The following CHN1 variants were observed in gnomAD, a reference collection of about 807,000 sequenced individuals.
CHN1 encodes the protein chimerin 1.
A neutral mutation model predicts 59.5 loss-of-function variants in CHN1; 37 were observed. The ratio of observed to expected loss-of-function variants is 0.62; its 90% CI spans 0.48 to 0.82. CHN1 has a LOEUF of 0.82. CHN1 is among the 40% of genes least tolerant of loss of function. The pLI, the probability that CHN1 is intolerant of heterozygous loss-of-function variation, is 0.00. For synonymous variants in CHN1, 206 were observed against 200.4 expected (o/e 1.03, Z -0.24); for missense variants, 469 against 571.0 (o/e 0.82, Z 1.82).
At chr2:174,863,749 G>A (rs1011784191) in intron 6 of CHN1, among the ~76,000 whole-genome samples, 13 of 152,218 alleles carry the variant, frequency 8.5e-5, no homozygotes, top group African/African-American at 2.6e-4. Flanking sequence ...TCACACATGT[G>A]ATATAGATGT....
chr2:174,848,590 T>C (rs1181720311), intron 6 of CHN1, among the ~76,000 whole-genome samples: 5 of 152,198 alleles, frequency 3.3e-5, no homozygotes, highest in Non-Finnish European at 5.9e-5. Context: ...GTAAATACTT[T>C]AATCTCAGAT....
intron 7 of CHN1, among the ~76,000 whole-genome samples, chr2:174,833,313 CAAT>C (rs980144053): frequency 6.6e-6 from 1 of 152,096 alleles, no homozygotes; most frequent in Non-Finnish European, 1.5e-5. Flanking sequence ...TCTTCATTCC[CAAT>C]AATATTCCTT....
intron 1 of CHN1, among the ~76,000 whole-genome samples, chr2:174,963,308 T>G (rs185976446): frequency 5.1e-4 from 77 of 152,272 alleles, no homozygotes; most frequent in Non-Finnish European, 1.0e-3. Flanking sequence ...CTGGCAAGAA[T>G]AGGTCTATAG....
chr2:174,867,025 C>A (rs1687237624), intron 6 of CHN1, among the ~76,000 whole-genome samples: 1 of 150,820 alleles, frequency 6.6e-6, no homozygotes, highest in African/African-American at 2.4e-5. Flanking sequence ...TCTAAACTTA[C>A]AAAGACTGTT....
At chr2:174,868,305 C>G (rs1190078532) in intron 6 of CHN1, among the ~76,000 whole-genome samples, 1 of 152,114 alleles carries the variant, frequency 6.6e-6, no homozygotes, top group African/African-American at 2.4e-5. Flanking sequence ...CAATTTTCTA[C>G]TACTTTGGTA....
chr2:174,930,851 GC>G (rs1689323416), intron 3 of CHN1, among the ~76,000 whole-genome samples: 1 of 151,450 alleles, frequency 6.6e-6, no homozygotes, highest in South Asian at 2.1e-4. Flanking sequence ...CGCAAGCTCT[GC>G]CTCTTGGGTT....
At chr2:174,849,630 T>C (rs1325305864) in intron 6 of CHN1, among the ~76,000 whole-genome samples, 4 of 152,320 alleles carry the variant, frequency 2.6e-5, no homozygotes, top group Admixed American at 6.5e-5. Context: ...ATCTAGTAGA[T>C]AGCCATCTAC....
chr2:174,942,628 C>T (rs1412137741), intron 3 of CHN1, among the ~76,000 whole-genome samples: 1 of 152,012 alleles, frequency 6.6e-6, no homozygotes, highest in Non-Finnish European at 1.5e-5. Context: ...TGTCTCAACA[C>T]AAAGATTTGA....
At chr2:174,971,652 T>C (rs1490236354) in intron 1 of CHN1, among the ~76,000 whole-genome samples, 2 of 152,158 alleles carry the variant, frequency 1.3e-5, no homozygotes, top group Non-Finnish European at 2.9e-5. Flanking sequence ...AAGGTATTAT[T>C]ACTAGTACCA....
At chr2:174,987,466 G>A (rs1032279633) in intron 1 of CHN1, among the ~76,000 whole-genome samples, 1 of 150,678 alleles carries the variant, frequency 6.6e-6, no homozygotes, top group Non-Finnish European at 1.5e-5. Context: ...GGAGTACAGT[G>A]GCGCAATCTC....
rs1339868588 is a variant in CHN1 at position 174,990,254 on chromosome 2, TGTGTGTGTGAGAGAGA to T, written c.19+14624_19+14639del. Among the ~76,000 whole-genome samples the T allele has an allele frequency of 7.3e-5, 7 of 96,246 alleles. No individual in the cohort carries two copies. In the South Asian group the frequency reaches 1.1e-3, roughly 15 times the overall value. 63.1% of individuals were successfully genotyped at this position (96,246 alleles called of 152,430 possible). On this transcript the variant is annotated intron_variant, in intron 1 of 12. Transcript: ENST00000409900. Reference sequence around the variant, plus strand: ...GTGTCTGTGTGTGTGTGTGTGTGTGTGTGTGTGTGAGAGAGAGAGAGAGAGAGAGAGAGCGCGAGCG... The same window carrying T: ...GTGTCTGTGTGTGTGTGTGTGTGTGTGAGAGAGAGAGAGAGAGCGCGAGCG...
chr2:174,827,605 G>GGGAA (rs930220257), intron 7 of CHN1, among the ~76,000 whole-genome samples: 17 of 152,322 alleles, frequency 1.1e-4, no homozygotes, highest in African/African-American at 3.8e-4. Flanking sequence ...GATTGTTAAG[G>GGGAA]GGAGTGACAC....
At chr2:174,847,408 G>T in intron 6 of CHN1, 2 of 1,207,916 alleles carry the variant, frequency 1.7e-6, no homozygotes, top group Middle Eastern at 3.4e-4. Context: ...AGAAAGAGTC[G>T]ATGCTAACAT....
rs777477251 is a variant in CHN1 at position 174,951,114 on chromosome 2, A to T, written c.58+1050T>A. 1.0e-3 allele frequency among the ~76,000 whole-genome samples: 154 copies of T among 152,320 alleles called. 5 individuals carry two copies. The highest frequency in any genetic ancestry group is 2.2e-4 in the Non-Finnish European group (15 of 68,036). On this transcript the variant is annotated intron_variant, in intron 2 of 12. Transcript: ENST00000409900. ...TTTAAATAGGCTTCCAGCCAATGAG[A>T]TTATGAGACAAAATCTTTAGGAGGT...
At chr2:174,846,742 G>GAAAACATCTCACTCCTTA (rs1342583226) in intron 7 of CHN1, 138 bp downstream of exon 7, 1 of 949,644 alleles carries the variant, frequency 1.1e-6, no homozygotes, top group Admixed American at 3.0e-5. Flanking sequence ...AAATCAGGCT[G>GAAAACATCTCACTCCTTA]AAAACATCTC....
intron 3 of CHN1, among the ~76,000 whole-genome samples, chr2:174,926,751 C>T (rs886803188): frequency 4.6e-5 from 7 of 151,896 alleles, no homozygotes; most frequent in Admixed American, 1.3e-4. Context: ...TGTCTCTTAT[C>T]TACCCACACC....
At chr2:174,959,739 T>C (rs1205019735) in intron 1 of CHN1, among the ~76,000 whole-genome samples, 2 of 152,184 alleles carry the variant, frequency 1.3e-5, no homozygotes, top group East Asian at 1.9e-4. Flanking sequence ...GTTTATCAGG[T>C]AGGACAGATT....
rs1264078054 is a variant in CHN1, at chr2:174,915,429, C to T, written c.147-258G>A. On this transcript the variant is annotated intron_variant, in intron 4 of 12. Transcript: ENST00000409900. Reference sequence around the variant, plus strand: ...CAACCATGGAATCAAAATTCACATCCATCTAAGGGAAGATCAACCACCTCT... The same window carrying T: ...CAACCATGGAATCAAAATTCACATCTATCTAAGGGAAGATCAACCACCTCT... 1.1e-5 allele frequency: 4 copies of T among 357,112 alleles called. No homozygotes were observed. In the East Asian group the frequency reaches 1.7e-4, roughly 16 times the overall value. 22.1% of individuals were successfully genotyped at this position (357,112 alleles called of 1,614,324 possible).
In CHN1 at chr2:175,005,257, CCGCACTGGCGGCGGCGGCGGCGGCGA is replaced by C. The variant is rs1273055165; in HGVS notation, c.-371_-346del. On this transcript the variant is annotated 5_prime_UTR_variant, in exon 1 of 13. It introduces an in-frame stop codon into an upstream open reading frame of the 5' UTR. Transcript: ENST00000409900. ...CGCAGTGGCTGGCGGAGAGGCGGCG[CCGCACTGGCGGCGGCGGCGGCGGCGA>C]CGGGGAGAGCAGCAGCAGCCTCGCA... 3 of 1,174,272 alleles carry C rather than the reference CCGCACTGGCGGCGGCGGCGGCGGCGA, an allele frequency of 2.6e-6. No homozygotes were observed. Among genetic ancestry groups the C allele is most frequent in the East Asian group, 1.0e-4 (2 of 19,630 alleles). The allele number at this position is 1,174,272 out of a possible 1,614,324, so 72.7% of individuals were successfully genotyped here. A position where few individuals can be genotyped will look rare whatever the true frequency, so the allele number is the denominator to read the frequency against.
Sources: allele counts gnomAD v4.1 joint callset (sites outside exome capture counted in the v4.1 genomes callset), GRCh38; gene constraint gnomAD v4.1.1; transcripts MANE v1.5; gene names NCBI Gene and HGNC (gene_info 2026-07-23, HGNC 2026-07-21).